Variants in EOGT observed in about 807,000 individuals in gnomAD.
EOGT encodes EGF domain specific O-linked N-acetylglucosamine transferase.
A neutral mutation model predicts 70.5 loss-of-function variants in EOGT; 55 were observed. The ratio of observed to expected loss-of-function variants is 0.78; its 90% CI spans 0.63 to 0.98. The LOEUF (loss-of-function observed/expected upper bound fraction) is 0.98, where lower values mean the gene tolerates loss of function less well. Ranked by LOEUF, EOGT falls within the 50% of genes least tolerant of loss-of-function variation. EOGT has a pLI of 0.00. For missense variants in EOGT, 703 were observed against 641.9 expected, an observed-to-expected ratio of 1.10 and a Z score of -1.03; for synonymous variants, 246 against 217.1, an observed-to-expected ratio of 1.13 and a Z score of -1.17.
chr3:68,980,882 C>T (rs1296226751), intron 15 of EOGT, among the ~76,000 whole-genome samples: 2 of 152,172 alleles, frequency 1.3e-5, no homozygotes, highest in African/African-American at 2.4e-5. Flanking sequence ...TGGCAAGGTA[C>T]GAATTCATTA....
chr3:69,004,544 G>T, intron 7 of EOGT, 62 bp from the exon 8 acceptor site: 1 of 1,102,062 alleles, frequency 9.1e-7, no homozygotes, highest in Non-Finnish European at 1.4e-6. Context: ...AAGCACGTGG[G>T]TTGTAACTAA....
intron 15 of EOGT, among the ~76,000 whole-genome samples, chr3:68,982,019 G>A (rs1175035888): frequency 6.6e-6 from 1 of 151,678 alleles, no homozygotes; most frequent in Non-Finnish European, 1.5e-5. Context: ...CCATTCTCCT[G>A]CCTCAGCATC....
chr3:69,013,622 G>A lies in EOGT; in HGVS notation c.-404C>T, dbSNP rs940452993. On this transcript the variant is annotated 5_prime_UTR_variant, in exon 1 of 18. Coordinates refer to ENST00000383701, the MANE Select transcript of EOGT (RefSeq NM_001278689.2). ...TACCGAGGAGGAGGCGGAGGAGACG[G>A]CGGCTGTTCCAGAGGAGGGAGTCGT... The A allele has an allele frequency of 6.5e-6, 1 of 153,262 alleles. No individual in the cohort carries two copies. The highest frequency in any genetic ancestry group is 1.9e-4 in the East Asian group (1 of 5,204). 9.5% of individuals were successfully genotyped at this position (153,262 alleles called of 1,614,324 possible).
At chr3:68,979,268 A>G (rs2090563482) in intron 16 of EOGT, among the ~76,000 whole-genome samples, 1 of 152,218 alleles carries the variant, frequency 6.6e-6, no homozygotes, top group East Asian at 1.9e-4. Context: ...GGGATCAGCA[A>G]GCACTAAGTT....
intron 3 of EOGT, among the ~76,000 whole-genome samples, chr3:69,011,331 T>A (rs1411131585): frequency 6.6e-6 from 1 of 151,716 alleles, no homozygotes; most frequent in African/African-American, 2.4e-5. Flanking sequence ...GATTATGGGC[T>A]GTGAAGATGG....
chr3:69,009,646 A>G lies in EOGT; in HGVS notation c.201T>C (p.Cys67=). Residue 67 remains cysteine, a synonymous_variant, in exon 4 of 18, where the codon TGT becomes TGC. Coordinates refer to ENST00000383701, the MANE Select transcript of EOGT (RefSeq NM_001278689.2). ...IATVCRKDSL[C]PYKKHLEKLK... Reference sequence around the variant, plus strand: ...AAGAAATAATACCTACCTTATATGGACAAAGAGAGTCTTTCCTACAGACAG... The same window carrying G: ...AAGAAATAATACCTACCTTATATGGGCAAAGAGAGTCTTTCCTACAGACAG... The G allele has an allele frequency of 6.2e-7, 1 of 1,612,456 alleles. No homozygotes were observed. Among genetic ancestry groups the G allele is most frequent in the East Asian group, 2.2e-5 (1 of 44,848 alleles).
intron 6 of EOGT, among the ~76,000 whole-genome samples, chr3:69,005,922 T>C (rs778323160): frequency 5.5e-4 from 84 of 152,332 alleles, no homozygotes; most frequent in Non-Finnish European, 1.1e-3. Context: ...AAAGTCTCAA[T>C]CTTGACCTGC....
intron 9 of EOGT, among the ~76,000 whole-genome samples, chr3:69,000,984 G>A (rs2091279928): frequency 6.7e-6 from 1 of 148,212 alleles, no homozygotes; most frequent in African/African-American, 2.5e-5. Context: ...TTAAGACGGA[G>A]TCTTGCTCTG....
chr3:69,011,193 C>CTTTTTTTTCTTT (rs1553674990), intron 3 of EOGT, among the ~76,000 whole-genome samples: 2 of 113,272 alleles, frequency 1.8e-5, no homozygotes, highest in East Asian at 5.3e-4. Flanking sequence ...GATCTTTGTT[C>CTTTTTTTTCTTT]TTTTTTTTTT....
intron 15 of EOGT, among the ~76,000 whole-genome samples, chr3:68,980,334 C>T (rs578033693): frequency 6.6e-6 from 1 of 152,182 alleles, no homozygotes; most frequent in African/African-American, 2.4e-5. Context: ...CTGGGTACCT[C>T]CAAAATGATC....
intron 10 of EOGT, among the ~76,000 whole-genome samples, chr3:68,993,943 C>A (rs1437760319): frequency 2.0e-5 from 3 of 152,114 alleles, no homozygotes; most frequent in African/African-American, 7.2e-5. Context: ...CAATTACCTC[C>A]CCCTGGGTCC....
chr3:68,987,388 A>C (rs1177514300), intron 14 of EOGT, 57 bp downstream of exon 14: 3 of 1,267,682 alleles, frequency 2.4e-6, no homozygotes, highest in Admixed American at 4.3e-5. Flanking sequence ...AAAAAAAAAC[A>C]CAATTTGCTC....
chr3:68,977,717 A>T lies in EOGT; in HGVS notation c.1485T>A (p.Ser495=). 1 of 1,613,924 alleles carries T rather than the reference A, an allele frequency of 6.2e-7. No individual in the cohort carries two copies. The highest frequency in any genetic ancestry group is 8.5e-7 in the Non-Finnish European group (1 of 1,179,930). Reference sequence around the variant, plus strand: ...GATACATAAATTCTTCTACATCGAAAGAGTAGTTGGTGAACTTCGGGTGCT... The same window carrying T: ...GATACATAAATTCTTCTACATCGAATGAGTAGTTGGTGAACTTCGGGTGCT... ...LGEHPKFTNY[S]FDVEEFMYLV... is the part of the protein sequence containing the mutation. The change falls in exon 18 of 18, where the codon TCT becomes TCA. Residue 495 remains serine (S), a synonymous_variant. Coordinates refer to ENST00000383701, the MANE Select transcript of EOGT (RefSeq NM_001278689.2).
chr3:69,009,511 G>T, intron 4 of EOGT, 126 bp downstream of exon 4: 1 of 663,378 alleles, frequency 1.5e-6, no homozygotes, highest in Non-Finnish European at 2.6e-6. Flanking sequence ...ATGAAACAAT[G>T]ATTAACTTAT....
At chr3:69,009,515 A>T in intron 4 of EOGT, 122 bp downstream of exon 4, 1 of 678,732 alleles carries the variant, frequency 1.5e-6, no homozygotes, top group Non-Finnish European at 2.5e-6. Flanking sequence ...AACAATGATT[A>T]ACTTATACAG....
intron 10 of EOGT, among the ~76,000 whole-genome samples, chr3:68,991,679 T>A (rs563632526): frequency 3.3e-5 from 5 of 152,310 alleles, no homozygotes; most frequent in African/African-American, 1.2e-4. Flanking sequence ...GCCAGGCTCA[T>A]GGCTGTAATC....
intron 14 of EOGT, among the ~76,000 whole-genome samples, chr3:68,983,658 A>T (rs1051795011): frequency 2.0e-5 from 3 of 152,206 alleles, no homozygotes; most frequent in Non-Finnish European, 4.4e-5. Context: ...TACTTCACTT[A>T]ATCCTCGTAA....
chr3:68,985,234 G>T (rs2033773), intron 14 of EOGT, among the ~76,000 whole-genome samples: 53,819 of 151,948 alleles, frequency 0.35, 10,007 homozygotes, highest in East Asian at 0.49. Flanking sequence ...TGATACGTTC[G>T]TATTTCTAGG....
intron 8 of EOGT, 145 bp from the exon 9 acceptor site, chr3:69,001,859 TACTG>T: frequency 1.6e-6 from 1 of 619,392 alleles, no homozygotes; most frequent in Non-Finnish European, 2.8e-6. Context: ...TTCTAAAACT[TACTG>T]ACTTTTATAT....
Sources: allele counts gnomAD v4.1 joint callset (sites outside exome capture counted in the v4.1 genomes callset), GRCh38; gene constraint gnomAD v4.1.1; transcripts MANE v1.5; gene names NCBI Gene and HGNC (gene_info 2026-07-23, HGNC 2026-07-21).